Variants in CACHD1 observed in about 807,000 individuals in gnomAD.
CACHD1 encodes cache domain containing 1.
CACHD1 carries 71 observed loss-of-function variants against 138.7 expected under a neutral mutation model. The observed-to-expected ratio is 0.51, with a 90% CI of 0.42 to 0.62. The LOEUF is 0.62. Ranked by LOEUF, CACHD1 falls within the 20% of genes least tolerant of loss-of-function variation. The probability of loss-of-function intolerance (pLI) is 0.00; values close to 1 mark genes in which losing one functional copy is unlikely to be tolerated. For missense variants in CACHD1, 1,389 were observed against 1,625.3 expected, an observed-to-expected ratio of 0.85 and a Z score of 2.50; for synonymous variants, 578 against 591.5, an observed-to-expected ratio of 0.98 and a Z score of 0.33.
chr1:64,518,913 C>T lies in CACHD1; in HGVS notation c.199-31681C>T, dbSNP rs180927395. 1.1e-3 allele frequency among the ~76,000 whole-genome samples: 164 copies of T among 152,252 alleles called. 1 individual carries two copies. The highest frequency in any genetic ancestry group is 3.9e-3 in the African/African-American group (160 of 41,556). ...CAGGCTATTTACAACCTATTGTGTT[C>T]TAGAACCCCATAGATAAGGGCTTAG... On this transcript the variant is annotated intron_variant, in intron 1 of 26. Coordinates refer to ENST00000651257, the MANE Select transcript of CACHD1 (RefSeq NM_020925.4).
At chr1:64,573,315 A>C (rs1410185493) in intron 2 of CACHD1, among the ~76,000 whole-genome samples, 1 of 152,174 alleles carries the variant, frequency 6.6e-6, no homozygotes, top group Non-Finnish European at 1.5e-5. Flanking sequence ...ATGTGTGGAT[A>C]CCAGAAGGTT....
intron 4 of CACHD1, among the ~76,000 whole-genome samples, chr1:64,625,353 G>A (rs774603468): frequency 2.6e-5 from 4 of 152,248 alleles, no homozygotes; most frequent in Non-Finnish European, 4.4e-5. Context: ...GGGGATGGGC[G>A]TGGTGGTTCA....
chr1:64,691,319 C>CA lies in CACHD1; in HGVS notation c.3587-4_3587-3insA. On this transcript the variant is annotated splice_region_variant and splice_polypyrimidine_tract_variant and intron_variant, in intron 26 of 26. Coordinates refer to ENST00000651257, the MANE Select transcript of CACHD1 (RefSeq NM_020925.4). The stretch of plus-strand genomic sequence containing the variant: ...GCTGTGTGTTTGTTTTGTTCTTTTT[C>CA]TAGGTTACAGCACCATGAGCCCACA... The CA allele has an allele frequency of 6.2e-7, 1 of 1,612,812 alleles. No individual in the cohort carries two copies. Among genetic ancestry groups the CA allele is most frequent in the Non-Finnish European group, 8.5e-7 (1 of 1,178,936 alleles).
intron 1 of CACHD1, among the ~76,000 whole-genome samples, chr1:64,477,490 A>G (rs1254379734): frequency 6.6e-6 from 1 of 151,942 alleles, no homozygotes; most frequent in Non-Finnish European, 1.5e-5. Context: ...TAGCATATGA[A>G]TATCCACATA....
intron 1 of CACHD1, among the ~76,000 whole-genome samples, chr1:64,534,232 C>G (rs1031764933): frequency 1.3e-5 from 2 of 151,894 alleles, no homozygotes; most frequent in Non-Finnish European, 2.9e-5. Flanking sequence ...TTAGTAGAAA[C>G]AGAGTTTCAC....
intron 1 of CACHD1, among the ~76,000 whole-genome samples, chr1:64,481,152 A>G (rs544428022): frequency 6.6e-6 from 1 of 152,286 alleles, no homozygotes; most frequent in African/African-American, 2.4e-5. Flanking sequence ...CTCTGGATAT[A>G]GTATGCTTTA....
intron 4 of CACHD1, among the ~76,000 whole-genome samples, chr1:64,603,778 T>G (rs114157947): frequency 0.021 from 3,153 of 152,280 alleles, 49 homozygotes; most frequent in Middle Eastern, 0.031. Flanking sequence ...TGACCTGATA[T>G]CTCCACTTTT....
Position 64,653,721 on chromosome 1 carries a change from G to A in CACHD1, c.1541-37G>A, listed in dbSNP as rs1649175758. On this transcript the variant is annotated intron_variant, in intron 10 of 26. Transcript: ENST00000651257. ...AGTGATTCAGAACTTCCTACAACATGTTTCTTATTAACATGCATTTTGTTT... is the reference window on the plus strand; with the variant it reads ...AGTGATTCAGAACTTCCTACAACATATTTCTTATTAACATGCATTTTGTTT... 1.9e-6 allele frequency: 3 copies of A among 1,601,260 alleles called. No individual in the cohort carries two copies. In the Middle Eastern group the frequency reaches 5.0e-4, roughly 266 times the overall value.
At chr1:64,499,976 G>A (rs1442359056) in intron 1 of CACHD1, among the ~76,000 whole-genome samples, 3 of 152,222 alleles carry the variant, frequency 2.0e-5, no homozygotes, top group Non-Finnish European at 4.4e-5. Context: ...AGGATAGGCT[G>A]TGGTAACAAA....
intron 9 of CACHD1, among the ~76,000 whole-genome samples, chr1:64,649,165 T>G (rs1649009316): frequency 6.6e-6 from 1 of 152,170 alleles, no homozygotes. Context: ...ACATTCTCTT[T>G]CTATAAGGAA....
intron 13 of CACHD1, 135 bp from the exon 14 acceptor site, chr1:64,663,550 GAAAAAAAAAA>G: frequency 1.3e-6 from 1 of 796,736 alleles, no homozygotes; most frequent in Non-Finnish European, 1.8e-6. Flanking sequence ...GACTCCATCT[GAAAAAAAAAA>G]AAAAAGAAAA....
intron 4 of CACHD1, among the ~76,000 whole-genome samples, chr1:64,614,736 G>A (rs1313456425): frequency 6.6e-6 from 1 of 152,126 alleles, no homozygotes; most frequent in Non-Finnish European, 1.5e-5. Context: ...TCATTGAAAA[G>A]GAAATTTGGC....
chr1:64,582,318 AC>A lies in CACHD1; in HGVS notation c.410+15del, dbSNP rs1647019808. The A allele has an allele frequency of 6.2e-7, 1 of 1,608,994 alleles. No individual in the cohort carries two copies. Among genetic ancestry groups the A allele is most frequent in the African/African-American group, 1.3e-5 (1 of 74,808 alleles). ...TTCCATGATGGAGTAAGACTTTAAAACTTTTTGTTGTTGTATAAACCAGACA... is the reference window on the plus strand; with the variant it reads ...TTCCATGATGGAGTAAGACTTTAAAATTTTTGTTGTTGTATAAACCAGACA... On this transcript the variant is annotated intron_variant, in intron 3 of 26. Coordinates refer to ENST00000651257, the MANE Select transcript of CACHD1 (RefSeq NM_020925.4).
intron 3 of CACHD1, among the ~76,000 whole-genome samples, chr1:64,589,221 T>C (rs989230051): frequency 3.9e-5 from 6 of 152,146 alleles, no homozygotes; most frequent in African/African-American, 1.2e-4. Flanking sequence ...ATAGTCACTG[T>C]GGAAGGCAGA....
chr1:64,639,239 C>A (rs1368019577), intron 7 of CACHD1, among the ~76,000 whole-genome samples: 1 of 152,200 alleles, frequency 6.6e-6, no homozygotes, highest in Non-Finnish European at 1.5e-5. Context: ...CATGCTGTAT[C>A]TATGTATATA....
chr1:64,688,847 G>T (rs1427986982), intron 26 of CACHD1, among the ~76,000 whole-genome samples: 1 of 150,172 alleles, frequency 6.7e-6, no homozygotes, highest in Non-Finnish European at 1.5e-5. Context: ...GCATGTGCTT[G>T]GGCCCTGCTG....
chr1:64,511,619 C>T lies in CACHD1; in HGVS notation c.199-38975C>T, dbSNP rs900535180. Among the ~76,000 whole-genome samples, 16 of 152,298 alleles carry T rather than the reference C, an allele frequency of 1.1e-4. 6 individuals carry two copies. ...GTGGTCACCCAGCCGCTTCCCGCTA[C>T]AATGATGGGGAGTGTCTTACTGCAG... On this transcript the variant is annotated intron_variant, in intron 1 of 26. Transcript: ENST00000651257.
chr1:64,582,043 A>G (rs1042502968), intron 2 of CACHD1, 113 bp from the exon 3 acceptor site: 2 of 1,218,442 alleles, frequency 1.6e-6, no homozygotes, highest in African/African-American at 3.1e-5. Context: ...TGTTTGTTTT[A>G]CTTGAATTTT....
chr1:64,473,107 CTCTT>C (rs1261540567), intron 1 of CACHD1, among the ~76,000 whole-genome samples: 1 of 152,160 alleles, frequency 6.6e-6, no homozygotes, highest in Admixed American at 6.5e-5. Context: ...CCCAACTGGC[CTCTT>C]TCTAACACCT....
Sources: gnomAD v4.1 joint callset for allele counts (sites outside exome capture counted in the v4.1 genomes callset) on GRCh38, gnomAD v4.1.1 for gene constraint, MANE v1.5 for transcripts, NCBI Gene and HGNC (gene_info 2026-07-23, HGNC 2026-07-21) for gene names.